TMEM98: variants seen among roughly 807,000 people sequenced by gnomAD.
TMEM98 encodes transmembrane protein 98.
A neutral mutation model predicts 25.0 loss-of-function variants in TMEM98; 18 were observed. The ratio of observed to expected loss-of-function variants is 0.72; its 90% CI spans 0.50 to 1.07. The LOEUF (loss-of-function observed/expected upper bound fraction) is 1.07, where lower values mean the gene tolerates loss of function less well. Ranked by LOEUF, TMEM98 falls within the 50% of genes least tolerant of loss-of-function variation. The pLI, the probability that TMEM98 is intolerant of heterozygous loss-of-function variation, is 0.00. For missense variants in TMEM98, 241 were observed against 289.0 expected (o/e 0.83, Z 1.20); for synonymous variants, 103 against 112.4 (o/e 0.92, Z 0.53).
In TMEM98 at chr17:32,931,631, C is replaced by G. The variant is rs548624041; in HGVS notation, c.103C>G (p.Arg35Gly). The change falls in exon 3 of 8, where the codon CGA becomes GGA. Residue 35 changes from arginine (R) to glycine (G), a missense_variant. Arg to Gly is a moderately radical substitution (Grantham distance 125). Coordinates refer to ENST00000579849, the MANE Select transcript of TMEM98 (RefSeq NM_015544.3). ...TTGCAGGCAGCGCTACTGCCGGCCG[C>G]GAGACCTGCTGCAGCGCTATGATTC... ...LVCRQRYCRP[R>G]DLLQRYDSKP... 5 of 1,605,380 alleles carry G rather than the reference C, an allele frequency of 3.1e-6. No homozygotes were observed. The East Asian group carries it at 8.9e-5, about 29-fold the overall frequency.
At position 32,943,396 on chromosome 17, in the gene TMEM98, C is replaced by G. The variant is rs1258756843; in HGVS notation, c.*2403C>G. 1 of 152,168 alleles carries G rather than the reference C, an allele frequency of 6.6e-6. No individual in the cohort carries two copies. The highest frequency in any genetic ancestry group is 1.5e-5 in the Non-Finnish European group (1 of 68,062). The allele number at this position is 152,168 out of a possible 1,614,324, so 9.4% of individuals were successfully genotyped here. A position where few individuals can be genotyped will look rare whatever the true frequency, so the allele number is the denominator to read the frequency against. ...GGGCTGGTTAGTGAGTGCCAGGGATCTCAGGACTGTCTCTGTGCCAGGTGT... is the reference window on the plus strand; with the variant it reads ...GGGCTGGTTAGTGAGTGCCAGGGATGTCAGGACTGTCTCTGTGCCAGGTGT... On this transcript the variant is annotated 3_prime_UTR_variant, in exon 8 of 8. Transcript: ENST00000579849.
chr17:32,941,296 T>A lies in TMEM98; in HGVS notation c.*303T>A. 4.6e-6 allele frequency: 1 copy of A among 218,370 alleles called. No individual in the cohort carries two copies. The highest frequency in any genetic ancestry group is 9.0e-6 in the Non-Finnish European group (1 of 110,800). The allele number at this position is 218,370 out of a possible 1,614,324, so 13.5% of individuals were successfully genotyped here. On this transcript the variant is annotated 3_prime_UTR_variant, in exon 8 of 8. Coordinates refer to ENST00000579849, the MANE Select transcript of TMEM98 (RefSeq NM_015544.3). ...GCTCACCTAGTGTTTTCAAGAAAAT[T>A]GAGCCACCGTCTAAGAAATCAAGAG...
Position 32,929,096 on chromosome 17 carries a change from C to T in TMEM98, c.-131+859C>T, listed in dbSNP as rs959749092. On this transcript the variant is annotated intron_variant, in intron 1 of 7. Transcript: ENST00000579849. Reference sequence around the variant, plus strand: ...TACTCTGAGAAACACAATCAGCTCACACCCACTCAAGCACACTCAAGATAA... The same window carrying T: ...TACTCTGAGAAACACAATCAGCTCATACCCACTCAAGCACACTCAAGATAA... 2.0e-5 allele frequency among the ~76,000 whole-genome samples: 3 copies of T among 151,774 alleles called. No homozygotes were observed. The East Asian group carries it at 5.8e-4, about 29-fold the overall frequency.
intron 6 of TMEM98, among the ~76,000 whole-genome samples, chr17:32,938,240 T>C (rs2091508259): frequency 6.6e-6 from 1 of 152,214 alleles, no homozygotes; most frequent in South Asian, 2.1e-4. Flanking sequence ...TGGCCATGTT[T>C]TGTCCCCATT....
rs1567695266 is a variant in TMEM98, at chr17:32,928,238, G to A, written c.-131+1G>A. 5 of 149,602 alleles carry A rather than the reference G, an allele frequency of 3.3e-5. No homozygotes were observed. In the South Asian group the frequency reaches 1.0e-3, roughly 31 times the overall value. The allele number at this position is 149,602 out of a possible 1,614,324, so 9.3% of individuals were successfully genotyped here. ...ATGCGCCCGGGAGCCACAGCCTGAG[G>A]TGGGTGAGCCCCGCCGGGCCGGGCG... On this transcript the variant is annotated splice_donor_variant, in intron 1 of 7. Transcript: ENST00000579849. LOFTEE classifies it low-confidence loss of function (5UTR_SPLICE).
intron 3 of TMEM98, among the ~76,000 whole-genome samples, chr17:32,932,540 C>G (rs1384915253): frequency 1.3e-5 from 2 of 152,180 alleles, no homozygotes; most frequent in Non-Finnish European, 2.9e-5. Flanking sequence ...TGTCTTAATC[C>G]TATCAGCATC....
intron 3 of TMEM98, 102 bp downstream of exon 3, chr17:32,931,761 G>C (rs1373171495): frequency 6.9e-7 from 1 of 1,456,304 alleles, no homozygotes; most frequent in African/African-American, 1.4e-5. Flanking sequence ...TCAGCTTTTT[G>C]GTTCTAAAAT....
In TMEM98 at chr17:32,942,321, C is replaced by G. The variant is rs1180111991; in HGVS notation, c.*1328C>G. 6.6e-6 allele frequency: 1 copy of G among 152,238 alleles called. No homozygotes were observed. The highest frequency in any genetic ancestry group is 1.5e-5 in the Non-Finnish European group (1 of 68,042). The allele number at this position is 152,238 out of a possible 1,614,324, so 9.4% of individuals were successfully genotyped here. A position where few individuals can be genotyped will look rare whatever the true frequency, so the allele number is the denominator to read the frequency against. On this transcript the variant is annotated 3_prime_UTR_variant, in exon 8 of 8. Coordinates refer to ENST00000579849, the MANE Select transcript of TMEM98 (RefSeq NM_015544.3). ...GCTTGAATTCTTCACTTCTCAGATTCTCAGAGCCAGCTTGCTCTTGGGAGA... is the reference window on the plus strand; with the variant it reads ...GCTTGAATTCTTCACTTCTCAGATTGTCAGAGCCAGCTTGCTCTTGGGAGA...
At position 32,941,175 on chromosome 17, in the gene TMEM98, G is replaced by T; in HGVS notation, c.*182G>T. ...GCCTCTTTTGCAGTTGCAAACTGTG[G>T]CTGGTGAGTGGCAGTCTAATACTAC... On this transcript the variant is annotated 3_prime_UTR_variant, in exon 8 of 8. Coordinates refer to ENST00000579849, the MANE Select transcript of TMEM98 (RefSeq NM_015544.3). 1 of 573,602 alleles carries T rather than the reference G, an allele frequency of 1.7e-6. No individual in the cohort carries two copies. The highest frequency in any genetic ancestry group is 3.1e-6 in the Non-Finnish European group (1 of 327,808). 35.5% of individuals were successfully genotyped at this position (573,602 alleles called of 1,614,324 possible). A position where few individuals can be genotyped will look rare whatever the true frequency, so the allele number is the denominator to read the frequency against.
rs937149454 is a variant in TMEM98, at chr17:32,941,642, T to C, written c.*649T>C. 16 of 152,388 alleles carry C rather than the reference T, an allele frequency of 1.0e-4. No individual in the cohort carries two copies. Among genetic ancestry groups the C allele is most frequent in the African/African-American group, 3.8e-4 (16 of 41,578 alleles). The allele number at this position is 152,388 out of a possible 1,614,324, so 9.4% of individuals were successfully genotyped here. The stretch of plus-strand genomic sequence containing the variant: ...TGGATAGTAAATTTATACTTATGTT[T>C]CCCTCAAGTGTGTAGTTATTGAGTC... On this transcript the variant is annotated 3_prime_UTR_variant, in exon 8 of 8. Coordinates refer to ENST00000579849, the MANE Select transcript of TMEM98 (RefSeq NM_015544.3).
At chr17:32,930,420 T>C (rs2091461670) in intron 1 of TMEM98, among the ~76,000 whole-genome samples, 1 of 152,182 alleles carries the variant, frequency 6.6e-6, no homozygotes, top group African/African-American at 2.4e-5. Context: ...CACGGACTTC[T>C]TTCATTCTTC....
chr17:32,935,509 A>G (rs999159287), intron 5 of TMEM98, among the ~76,000 whole-genome samples: 2 of 151,958 alleles, frequency 1.3e-5, no homozygotes, highest in Non-Finnish European at 2.9e-5. Flanking sequence ...GAGGGCTTCT[A>G]AGTCTCCTCT....
Position 32,941,017 on chromosome 17 carries a change from A to C in TMEM98, c.*24A>C. 1 of 1,570,614 alleles carries C rather than the reference A, an allele frequency of 6.4e-7. No individual in the cohort carries two copies. The highest frequency in any genetic ancestry group is 8.7e-7 in the Non-Finnish European group (1 of 1,154,784). On this transcript the variant is annotated 3_prime_UTR_variant, in exon 8 of 8. Coordinates refer to ENST00000579849, the MANE Select transcript of TMEM98 (RefSeq NM_015544.3). ...AGTGCCTACAGGCCAGCAGCTAGCC[A>C]TGAAGGCCCCTGCCGCCATCCCTGG... is the stretch of plus-strand genomic sequence containing the variant.
intron 6 of TMEM98, among the ~76,000 whole-genome samples, chr17:32,938,198 T>C (rs1403418473): frequency 6.6e-6 from 1 of 152,184 alleles, no homozygotes; most frequent in Non-Finnish European, 1.5e-5. Flanking sequence ...GGTCCTGCTT[T>C]GTCCTTTTGC....
At position 32,941,080 on chromosome 17, in the gene TMEM98, T is replaced by G. The variant is rs1168290437; in HGVS notation, c.*87T>G. 6 of 1,193,572 alleles carry G rather than the reference T, an allele frequency of 5.0e-6. No individual in the cohort carries two copies. The East Asian group carries it at 1.5e-4, about 31-fold the overall frequency. The allele number at this position is 1,193,572 out of a possible 1,614,324, so 73.9% of individuals were successfully genotyped here. A position where few individuals can be genotyped will look rare whatever the true frequency, so the allele number is the denominator to read the frequency against. On this transcript the variant is annotated 3_prime_UTR_variant, in exon 8 of 8. Transcript: ENST00000579849. Reference sequence around the variant, plus strand: ...AGCCTTCTACTTTTTCCTATAGAGTTAGTTGTTCTCCACGGCTGGAGAGTT... The same window carrying G: ...AGCCTTCTACTTTTTCCTATAGAGTGAGTTGTTCTCCACGGCTGGAGAGTT...
intron 6 of TMEM98, among the ~76,000 whole-genome samples, chr17:32,937,120 T>C (rs1448877438): frequency 6.6e-6 from 1 of 152,220 alleles, no homozygotes; most frequent in Non-Finnish European, 1.5e-5. Context: ...TGGTGGCTGG[T>C]ATGCCGACGT....
intron 1 of TMEM98, among the ~76,000 whole-genome samples, chr17:32,928,870 TCA>T (rs369816307): frequency 1.5e-4 from 13 of 88,290 alleles, no homozygotes; most frequent in East Asian, 3.2e-4. Flanking sequence ...AACATTCAGT[TCA>T]CACACACTCA....
At chr17:32,933,073 GACTCCCT>G in intron 3 of TMEM98, 94 bp from the exon 4 acceptor site, 1 of 1,501,620 alleles carries the variant, frequency 6.7e-7, no homozygotes, top group Non-Finnish European at 9.0e-7. Flanking sequence ...CTAGCTTACT[GACTCCCT>G]TACTTCTTTT....
At chr17:32,928,720 TGAG>T (rs1208485101) in intron 1 of TMEM98, among the ~76,000 whole-genome samples, 1 of 147,930 alleles carries the variant, frequency 6.8e-6, no homozygotes, top group Non-Finnish European at 1.5e-5. Flanking sequence ...TCACACGCAC[TGAG>T]AAGCACACTT....
Sources: gnomAD v4.1 joint callset for allele counts (sites outside exome capture counted in the v4.1 genomes callset) on GRCh38, gnomAD v4.1.1 for gene constraint, MANE v1.5 for transcripts, NCBI Gene and HGNC (gene_info 2026-07-23, HGNC 2026-07-21) for gene names.